Variants in PCLO observed in about 807,000 individuals in gnomAD.
The protein encoded by PCLO is piccolo presynaptic cytomatrix protein, also known as protein piccolo.
PCLO carries 82 observed loss-of-function variants against 427.5 expected under a neutral mutation model. The ratio of observed to expected loss-of-function variants is 0.19; its 90% CI spans 0.16 to 0.23. The LOEUF is 0.23. PCLO is among the 10% of genes least tolerant of loss of function. The pLI is 1.00. For missense variants in PCLO, 6,239 were observed against 6,115.9 expected (o/e 1.02, Z -0.67); for synonymous variants, 2,357 against 2,155.4 (o/e 1.09, Z -2.59).
intron 10 of PCLO, among the ~76,000 whole-genome samples, chr7:82,849,312 C>T (rs1792587934): frequency 6.6e-6 from 1 of 152,078 alleles, no homozygotes; most frequent in African/African-American, 2.4e-5. Context: ...ACTAGGGTCT[C>T]GCCTGGATAT....
intron 3 of PCLO, among the ~76,000 whole-genome samples, chr7:83,024,540 C>T (rs1238848686): frequency 6.6e-6 from 1 of 152,172 alleles, no homozygotes; most frequent in African/African-American, 2.4e-5. Flanking sequence ...GGGGCGCCCG[C>T]CATTGCCCAG....
At chr7:82,905,545 G>T (rs912548621) in intron 8 of PCLO, among the ~76,000 whole-genome samples, 8 of 151,852 alleles carry the variant, frequency 5.3e-5, no homozygotes, top group Admixed American at 3.3e-4. Context: ...TAATACATGG[G>T]GCACCACTGG....
At chr7:83,000,191 G>A (rs999901858) in intron 3 of PCLO, among the ~76,000 whole-genome samples, 2 of 150,552 alleles carry the variant, frequency 1.3e-5, no homozygotes, top group Non-Finnish European at 3.0e-5. Context: ...ACAGAGGAAT[G>A]AAGATAATAA....
Position 82,915,476 on chromosome 7 carries a change from T to C in PCLO, c.12510A>G (p.Thr4170=). 2 of 1,613,726 alleles carry C rather than the reference T, an allele frequency of 1.2e-6. No homozygotes were observed. The highest frequency in any genetic ancestry group is 1.7e-6 in the Non-Finnish European group (2 of 1,179,730). Residue 4170 remains threonine, a synonymous_variant, in exon 7 of 25, where the codon ACA becomes ACG. Coordinates refer to ENST00000333891, the MANE Select transcript of PCLO (RefSeq NM_033026.6). ...KSEKYSISRL[T]LEKQAAKQLP... The stretch of plus-strand genomic sequence containing the variant: ...GTTGTTTTGCTGCTTGTTTTTCAAG[T>C]GTGAGTCTACTGATGCTATACTTCT...
intron 3 of PCLO, among the ~76,000 whole-genome samples, chr7:83,133,000 T>C (rs1458878993): frequency 3.9e-5 from 6 of 152,014 alleles, no homozygotes; most frequent in East Asian, 1.9e-4. Context: ...GAAACCAAAA[T>C]TTATGTCCCT....
At chr7:82,892,287 T>A (rs561786636) in intron 9 of PCLO, among the ~76,000 whole-genome samples, 99 of 152,186 alleles carry the variant, frequency 6.5e-4, no homozygotes, top group African/African-American at 2.2e-3. Flanking sequence ...TCTACAACTA[T>A]CTGATCTTTG....
chr7:82,888,940 T>C (rs1035589101), intron 9 of PCLO, among the ~76,000 whole-genome samples: 86 of 151,824 alleles, frequency 5.7e-4, no homozygotes, highest in Non-Finnish European at 1.1e-3. Flanking sequence ...GAACCACAAG[T>C]TCCCCCCGCC....
At chr7:82,843,839 A>AT (rs896953152) in intron 13 of PCLO, among the ~76,000 whole-genome samples, 1 of 151,314 alleles carries the variant, frequency 6.6e-6, no homozygotes, top group African/African-American at 2.4e-5. Context: ...TAATTTTTGT[A>AT]TTTTTTGGTA....
rs1562883801 is a variant in PCLO at position 82,956,617 on chromosome 7, G to C, written c.4336C>G (p.Pro1446Ala). 1.2e-6 allele frequency: 2 copies of C among 1,613,660 alleles called. No homozygotes were observed. Among genetic ancestry groups the C allele is most frequent in the Non-Finnish European group, 1.7e-6 (2 of 1,179,790 alleles). The change falls in exon 5 of 25, where the codon CCT becomes GCT. Residue 1446 changes from proline (P) to alanine (A), a missense_variant. By Grantham distance (27) the Pro-to-Ala change is conservative. This residue lies in a region of PCLO where 4,677 missense variants were observed against 4,468.4 expected (regional missense o/e 1.05). Transcript: ENST00000333891. ...TQPHEVSPEQ[P>A]KDQEKTQSLS... Reference sequence around the variant, plus strand: ...CTCTGAGTTTTCTCTTGGTCTTTAGGCTGTTCAGGAGAAACTTCATGGGGT... The same window carrying C: ...CTCTGAGTTTTCTCTTGGTCTTTAGCCTGTTCAGGAGAAACTTCATGGGGT...
Position 83,134,953 on chromosome 7 carries a change from G to A in PCLO, c.2597C>T (p.Pro866Leu). Residue 866 changes from proline to leucine, a missense_variant, in exon 3 of 25, where the codon CCA (proline) becomes CTA (leucine). Pro to Leu is a moderately conservative substitution (Grantham distance 98, BLOSUM62 -3). Coordinates refer to ENST00000333891, the MANE Select transcript of PCLO (RefSeq NM_033026.6). ...KKAQTKMSPK[P>L]DAKPMPKGSP... is the part of the protein sequence containing the mutation. The stretch of plus-strand genomic sequence containing the variant: ...CCCTTTTGGCATTGGCTTGGCATCT[G>A]GTTTAGGACTCATTTTGGTTTGTGC... 6.2e-7 allele frequency: 1 copy of A among 1,611,076 alleles called. No homozygotes were observed. Among genetic ancestry groups the A allele is most frequent in the Non-Finnish European group, 8.5e-7 (1 of 1,178,762 alleles).
At chr7:82,790,929 C>A (rs1791088401) in intron 22 of PCLO, among the ~76,000 whole-genome samples, 3 of 152,196 alleles carry the variant, frequency 2.0e-5, no homozygotes, top group Admixed American at 2.0e-4. Flanking sequence ...AACACACTCT[C>A]TCAATGTTTT....
chr7:82,886,881 T>C (rs1256187074), intron 9 of PCLO, among the ~76,000 whole-genome samples: 2 of 152,204 alleles, frequency 1.3e-5, no homozygotes, highest in Non-Finnish European at 2.9e-5. Flanking sequence ...TTTCATCTAA[T>C]TTTCTATTAT....
chr7:82,852,288 G>C (rs967288831), intron 10 of PCLO, among the ~76,000 whole-genome samples: 7 of 152,060 alleles, frequency 4.6e-5, no homozygotes, highest in African/African-American at 1.7e-4. Flanking sequence ...ATTGTTCCTG[G>C]GTGTGTCTGT....
intron 3 of PCLO, among the ~76,000 whole-genome samples, chr7:82,985,396 C>G (rs1163019380): frequency 6.6e-6 from 1 of 152,072 alleles, no homozygotes; most frequent in African/African-American, 2.4e-5. Flanking sequence ...CAGGAATATT[C>G]TGTGACAGGC....
chr7:83,120,821 T>G (rs1204024659), intron 3 of PCLO, among the ~76,000 whole-genome samples: 1 of 152,162 alleles, frequency 6.6e-6, no homozygotes, highest in Non-Finnish European at 1.5e-5. Context: ...CAGACCTGTC[T>G]TATAAGAAAT....
At chr7:83,138,591 G>A (rs1332085409) in intron 2 of PCLO, among the ~76,000 whole-genome samples, 1 of 152,092 alleles carries the variant, frequency 6.6e-6, no homozygotes, top group African/African-American at 2.4e-5. Context: ...AACCTGGGAG[G>A]TGGAGGTTGC....
Position 83,155,404 on chromosome 7 carries a change from G to C in PCLO, c.1237C>G (p.Gln413Glu). ...QQPGPAKPPT[Q>E]QVGTPKPLAQ... ...AGGGGTTTTGGTGTCCCCACCTGCT[G>C]GGTTGGAGGCTTTGCTGGCCCTGGC... Residue 413 changes from glutamine to glutamate, a missense_variant, in exon 2 of 25, where the codon CAG (glutamine) becomes GAG (glutamate). Coordinates refer to ENST00000333891, the MANE Select transcript of PCLO (RefSeq NM_033026.6). The C allele has an allele frequency of 6.2e-7, 1 of 1,613,916 alleles. No homozygotes were observed. The highest frequency in any genetic ancestry group is 8.5e-7 in the Non-Finnish European group (1 of 1,179,886).
chr7:82,874,155 T>C (rs957062066), intron 10 of PCLO, among the ~76,000 whole-genome samples: 1 of 150,178 alleles, frequency 6.7e-6, no homozygotes, highest in Non-Finnish European at 1.5e-5. Flanking sequence ...ATAAGTATCC[T>C]ACTTTTGAAA....
At chr7:83,153,269 C>T (rs1792183838) in intron 2 of PCLO, among the ~76,000 whole-genome samples, 1 of 150,942 alleles carries the variant, frequency 6.6e-6, no homozygotes, top group African/African-American at 2.4e-5. Flanking sequence ...CTGATTTCTT[C>T]CATAAGTCAA....
Sources: gnomAD v4.1 joint callset for allele counts (sites outside exome capture counted in the v4.1 genomes callset) on GRCh38, gnomAD v4.1.1 for gene constraint, gnomAD v4.1.1 regional missense constraint, MANE v1.5 for transcripts, NCBI Gene and HGNC (gene_info 2026-07-23, HGNC 2026-07-21) for gene names.